The following XKR4 variants were observed in gnomAD, a reference collection of about 807,000 sequenced individuals.
XKR4 encodes XK related 4.
Under a neutral mutation model 53.9 loss-of-function variants are expected in XKR4, and 12 were observed. That is an observed-to-expected ratio of 0.22 (90% CI 0.14 to 0.36). The LOEUF (loss-of-function observed/expected upper bound fraction) is 0.36, where lower values mean the gene tolerates loss of function less well. XKR4 is among the 10% of genes least tolerant of loss of function. The pLI is 1.00. For synonymous variants in XKR4, 354 were observed against 362.4 expected, an observed-to-expected ratio of 0.98 and a Z score of 0.26; for missense variants, 799 against 859.5, an observed-to-expected ratio of 0.93 and a Z score of 0.88.
rs956127934 is a variant in XKR4 at position 55,535,144 on chromosome 8, A to G, written c.*10917A>G. On this transcript the variant is annotated 3_prime_UTR_variant, in exon 3 of 3. Transcript: ENST00000327381. The stretch of plus-strand genomic sequence containing the variant: ...AGCATCACGGCGAGTCAGTTTTCAG[A>G]ACTAGCTCTTGGCGCAAGCCCTGAA... 1.3e-5 allele frequency: 2 copies of G among 152,334 alleles called. No homozygotes were observed. Among genetic ancestry groups the G allele is most frequent in the African/African-American group, 4.8e-5 (2 of 41,576 alleles). The allele number at this position is 152,334 out of a possible 1,614,324, so 9.4% of individuals were successfully genotyped here.
chr8:55,177,839 T>A (rs1183784961), intron 1 of XKR4, among the ~76,000 whole-genome samples: 2 of 152,146 alleles, frequency 1.3e-5, no homozygotes, highest in South Asian at 2.1e-4. Flanking sequence ...TATTTTTTTT[T>A]AAAGTGTGAT....
rs573099927 is a variant in XKR4, at chr8:55,144,893, G to A, written c.806+41599G>A. ...GTCACCCAGGCTGGAGTGCAGTGGC[G>A]CAATCTTGGCTCACTGCAACCACCA... On this transcript the variant is annotated intron_variant, in intron 1 of 2. Coordinates refer to ENST00000327381, the MANE Select transcript of XKR4 (RefSeq NM_052898.2). Among the ~76,000 whole-genome samples, 81 of 142,902 alleles carry A rather than the reference G, an allele frequency of 5.7e-4. 1 individual carries two copies. The highest frequency in any genetic ancestry group is 9.7e-4 in the Non-Finnish European group (63 of 64,866). 93.7% of individuals were successfully genotyped at this position (142,902 alleles called of 152,430 possible). A position where few individuals can be genotyped will look rare whatever the true frequency, so the allele number is the denominator to read the frequency against.
At chr8:55,516,352 G>A (rs983361737) in intron 2 of XKR4, among the ~76,000 whole-genome samples, 33 of 152,198 alleles carry the variant, frequency 2.2e-4, no homozygotes, top group African/African-American at 7.7e-4. Flanking sequence ...GTGAGAGTGT[G>A]AGGAGAAGAT....
chr8:55,289,851 G>GGAAGGAAAGAAAGAAAGAAA (rs1426200079), intron 1 of XKR4, among the ~76,000 whole-genome samples: 13 of 135,618 alleles, frequency 9.6e-5, no homozygotes, highest in African/African-American at 3.3e-4. Flanking sequence ...AAAGAAAGAA[G>GGAAGGAAAGAAAGAAAGAAA]GAAAGAAAGA....
chr8:55,503,857 T>G (rs1156267848), intron 2 of XKR4, among the ~76,000 whole-genome samples: 1 of 152,152 alleles, frequency 6.6e-6, no homozygotes, highest in African/African-American at 2.4e-5. Flanking sequence ...TGGCCTTTAT[T>G]ATGATGAGGT....
In XKR4 at chr8:55,293,095, G is replaced by A. The variant is rs374974437; in HGVS notation, c.807-64583G>A. ...CACACCTCTAATCCCAGCATTGTAG[G>A]AAGCCGAGGCAGGCAGATCACCTGA... On this transcript the variant is annotated intron_variant, in intron 1 of 2. Transcript: ENST00000327381. Among the ~76,000 whole-genome samples the A allele has an allele frequency of 2.1e-3, 318 of 152,302 alleles. 13 individuals carry two copies. The South Asian group carries it at 0.064, about 30-fold the overall frequency.
chr8:55,283,242 A>T (rs1186740497), intron 1 of XKR4, among the ~76,000 whole-genome samples: 1 of 152,212 alleles, frequency 6.6e-6, no homozygotes, highest in Non-Finnish European at 1.5e-5. Flanking sequence ...TGTTATTATC[A>T]TATGCCTGGC....
chr8:55,241,958 A>G (rs1429940936), intron 1 of XKR4, among the ~76,000 whole-genome samples: 1 of 152,208 alleles, frequency 6.6e-6, no homozygotes, highest in African/African-American at 2.4e-5. Context: ...TGTTATGGGT[A>G]TAGCTGTGTT....
chr8:55,504,305 C>T (rs1385067756), intron 2 of XKR4, among the ~76,000 whole-genome samples: 1 of 151,944 alleles, frequency 6.6e-6, no homozygotes, highest in Non-Finnish European at 1.5e-5. Flanking sequence ...CTCCACCTCC[C>T]TGGCTCAAGC....
At chr8:55,130,439 A>G (rs1185529436) in intron 1 of XKR4, among the ~76,000 whole-genome samples, 1 of 152,188 alleles carries the variant, frequency 6.6e-6, no homozygotes, top group African/African-American at 2.4e-5. Context: ...GTGTGCCTGG[A>G]GCACAGGGAG....
intron 2 of XKR4, among the ~76,000 whole-genome samples, chr8:55,471,242 A>G (rs569310058): frequency 4.1e-4 from 63 of 152,236 alleles, no homozygotes; most frequent in Non-Finnish European, 7.5e-4. Flanking sequence ...GTAGACAGGA[A>G]AAGTAAAGAG....
intron 1 of XKR4, among the ~76,000 whole-genome samples, chr8:55,213,196 C>G (rs975929215): frequency 6.6e-6 from 1 of 152,178 alleles, no homozygotes; most frequent in Non-Finnish European, 1.5e-5. Flanking sequence ...TGCTTTGGCT[C>G]GAACACCTCT....
chr8:55,462,094 T>C (rs13272245), intron 2 of XKR4, among the ~76,000 whole-genome samples: 62,262 of 151,960 alleles, frequency 0.41, 13,393 homozygotes, highest in East Asian at 0.53. Context: ...GCAAGGCAGG[T>C]CAACATTCAA....
intron 1 of XKR4, chr8:55,140,063 T>G (rs1438920325): frequency 3.0e-6 from 1 of 329,424 alleles, no homozygotes; most frequent in Non-Finnish European, 6.0e-6. Context: ...TCATCCTATT[T>G]TATTTATTAA....
chr8:55,136,962 A>G (rs897718608), intron 1 of XKR4, among the ~76,000 whole-genome samples: 4 of 152,242 alleles, frequency 2.6e-5, no homozygotes, highest in Admixed American at 2.6e-4. Flanking sequence ...TAATTACAAT[A>G]TAGCATGAAT....
chr8:55,370,490 C>A (rs1035154568), intron 2 of XKR4, among the ~76,000 whole-genome samples: 2 of 152,156 alleles, frequency 1.3e-5, no homozygotes, highest in Non-Finnish European at 2.9e-5. Flanking sequence ...ATTGTAAGAG[C>A]AGCTTCATCT....
At chr8:55,231,267 A>G (rs534947402) in intron 1 of XKR4, among the ~76,000 whole-genome samples, 6 of 152,344 alleles carry the variant, frequency 3.9e-5, no homozygotes, top group Non-Finnish European at 7.4e-5. Context: ...TACGCAATTG[A>G]AACCTTTCCT....
intron 2 of XKR4, among the ~76,000 whole-genome samples, chr8:55,456,615 A>G (rs1409223706): frequency 1.3e-5 from 2 of 152,242 alleles, no homozygotes; most frequent in Non-Finnish European, 2.9e-5. Context: ...TAGAAATTCC[A>G]GAGTTGAAAA....
At chr8:55,391,575 G>A (rs1204245945) in intron 2 of XKR4, among the ~76,000 whole-genome samples, 2 of 152,146 alleles carry the variant, frequency 1.3e-5, no homozygotes, top group East Asian at 3.9e-4. Context: ...ACATTCTTAT[G>A]TTTGCAAAAG....
Sources: gnomAD v4.1 joint callset for allele counts (sites outside exome capture counted in the v4.1 genomes callset) on GRCh38, gnomAD v4.1.1 for gene constraint, MANE v1.5 for transcripts, NCBI Gene and HGNC (gene_info 2026-07-23, HGNC 2026-07-21) for gene names.